Variants in NKAIN2 observed in about 807,000 individuals in gnomAD.
NKAIN2 encodes sodium/potassium transporting ATPase interacting 2.
Under a neutral mutation model 32.6 loss-of-function variants are expected in NKAIN2, and 14 were observed. The ratio of observed to expected loss-of-function variants is 0.43; its 90% CI spans 0.28 to 0.67. The LOEUF is 0.67. NKAIN2 is among the 30% of genes least tolerant of loss of function. The probability of loss-of-function intolerance (pLI) is 0.17; values close to 1 mark genes in which losing one functional copy is unlikely to be tolerated. For synonymous variants in NKAIN2, 80 were observed against 87.2 expected (o/e 0.92, Z 0.46); for missense variants, 198 against 258.3 (o/e 0.77, Z 1.60).
intron 1 of NKAIN2, among the ~76,000 whole-genome samples, chr6:123,848,993 A>G (rs1240937274): frequency 1.3e-5 from 2 of 152,122 alleles, no homozygotes; most frequent in African/African-American, 2.4e-5. Flanking sequence ...CCTACTTAAA[A>G]CATTTCTATA....
intron 1 of NKAIN2, among the ~76,000 whole-genome samples, chr6:124,244,102 T>A (rs906729491): frequency 2.5e-4 from 38 of 151,672 alleles, no homozygotes; most frequent in African/African-American, 6.8e-4. Context: ...TCTTTTTTTT[T>A]ATTATACTTT....
intron 1 of NKAIN2, among the ~76,000 whole-genome samples, chr6:123,817,219 A>G (rs73770284): frequency 3.9e-5 from 6 of 152,272 alleles, no homozygotes; most frequent in Non-Finnish European, 5.9e-5. Flanking sequence ...ATTTTTCTCA[A>G]TGTTCACAAC....
intron 4 of NKAIN2, among the ~76,000 whole-genome samples, chr6:124,779,245 GAA>G (rs1491336878): frequency 0.037 from 1,146 of 31,242 alleles, 75 homozygotes; most frequent in African/African-American, 0.11. Flanking sequence ...CTCCAACAAA[GAA>G]AGAGAGAGAG....
chr6:123,849,553 G>A (rs1464102675), intron 1 of NKAIN2, among the ~76,000 whole-genome samples: 1 of 152,114 alleles, frequency 6.6e-6, no homozygotes, highest in Non-Finnish European at 1.5e-5. Flanking sequence ...CAGAAGTCTG[G>A]GAGGTGGCAT....
At chr6:124,111,915 A>G (rs73565484) in intron 1 of NKAIN2, among the ~76,000 whole-genome samples, 9,592 of 152,038 alleles carry the variant, frequency 0.063, 725 homozygotes, top group African/African-American at 0.17. Flanking sequence ...CTTTATGCTA[A>G]TAAGTTGAAT....
At chr6:123,844,553 G>C (rs1304452154) in intron 1 of NKAIN2, among the ~76,000 whole-genome samples, 1 of 152,110 alleles carries the variant, frequency 6.6e-6, no homozygotes, top group Non-Finnish European at 1.5e-5. Context: ...TTTCTGACCA[G>C]ATGAAATAAC....
intron 1 of NKAIN2, among the ~76,000 whole-genome samples, chr6:124,168,560 G>A (rs939731744): frequency 1.3e-5 from 2 of 152,046 alleles, no homozygotes; most frequent in Admixed American, 1.3e-4. Flanking sequence ...TTTTGTGTGT[G>A]TGTGTGTGTG....
chr6:124,522,042 T>A (rs1450841257), intron 3 of NKAIN2, among the ~76,000 whole-genome samples: 1 of 152,188 alleles, frequency 6.6e-6, no homozygotes, highest in Non-Finnish European at 1.5e-5. Flanking sequence ...TTTGAACTGC[T>A]TCTTGGCCTT....
chr6:124,115,138 A>G (rs926704370), intron 1 of NKAIN2, among the ~76,000 whole-genome samples: 3 of 152,200 alleles, frequency 2.0e-5, no homozygotes, highest in African/African-American at 7.2e-5. Flanking sequence ...TATTAAATGC[A>G]TCAGGGAAAT....
chr6:124,087,836 G>A (rs934941081), intron 1 of NKAIN2, among the ~76,000 whole-genome samples: 8 of 151,930 alleles, frequency 5.3e-5, no homozygotes, highest in African/African-American at 1.9e-4. Flanking sequence ...TCCTTTGGGG[G>A]AAAATGTGTT....
chr6:123,873,310 A>C (rs925134091), intron 1 of NKAIN2, among the ~76,000 whole-genome samples: 31 of 151,914 alleles, frequency 2.0e-4, no homozygotes, highest in African/African-American at 7.5e-4. Context: ...GTGCAAAGAG[A>C]GGGATGAGGT....
At chr6:124,140,697 A>T (rs1295517038) in intron 1 of NKAIN2, among the ~76,000 whole-genome samples, 1 of 152,142 alleles carries the variant, frequency 6.6e-6, no homozygotes, top group African/African-American at 2.4e-5. Flanking sequence ...TATTTTTTTA[A>T]AAAAAGTGTT....
chr6:124,188,485 A>T (rs1789857521), intron 1 of NKAIN2, among the ~76,000 whole-genome samples: 1 of 152,230 alleles, frequency 6.6e-6, no homozygotes, highest in Non-Finnish European at 1.5e-5. Flanking sequence ...CTTTAATCAC[A>T]TTTATAAAAT....
At chr6:123,906,405 CT>C (rs1247683590) in intron 1 of NKAIN2, among the ~76,000 whole-genome samples, 1 of 152,042 alleles carries the variant, frequency 6.6e-6, no homozygotes, top group Non-Finnish European at 1.5e-5. Context: ...ATTCTCCCAC[CT>C]CTGCCTCCTG....
At chr6:124,028,172 G>T (rs771998651) in intron 1 of NKAIN2, among the ~76,000 whole-genome samples, 1 of 151,850 alleles carries the variant, frequency 6.6e-6, no homozygotes, top group Non-Finnish European at 1.5e-5. Context: ...TACTTCATCC[G>T]CTCTATAAAA....
chr6:124,165,762 T>C (rs1458772154), intron 1 of NKAIN2, among the ~76,000 whole-genome samples: 2 of 147,452 alleles, frequency 1.4e-5, no homozygotes, highest in East Asian at 2.0e-4. Flanking sequence ...TGAGAACATG[T>C]GGTGTTTGGT....
intron 1 of NKAIN2, among the ~76,000 whole-genome samples, chr6:124,113,447 G>T (rs1481030890): frequency 6.6e-6 from 1 of 152,046 alleles, no homozygotes; most frequent in Non-Finnish European, 1.5e-5. Context: ...AAAAAAAATT[G>T]GGATTTTTTT....
intron 3 of NKAIN2, among the ~76,000 whole-genome samples, chr6:124,467,438 T>C (rs985881314): frequency 5.3e-5 from 8 of 152,114 alleles, no homozygotes; most frequent in South Asian, 2.1e-4. Context: ...AAGAAAAGAC[T>C]TCACTACAGT....
intron 2 of NKAIN2, among the ~76,000 whole-genome samples, chr6:124,342,177 G>A (rs895479832): frequency 6.6e-6 from 1 of 151,910 alleles, no homozygotes; most frequent in Non-Finnish European, 1.5e-5. Context: ...CAAGGCAGGC[G>A]GATCACGAGG....
Sources: allele counts gnomAD v4.1 joint callset (sites outside exome capture counted in the v4.1 genomes callset), GRCh38; gene constraint gnomAD v4.1.1; transcripts MANE v1.5; gene names NCBI Gene and HGNC (gene_info 2026-07-23, HGNC 2026-07-21).